SPIDR: variants seen among roughly 807,000 people sequenced by gnomAD.
The protein encoded by SPIDR is DNA repair-scaffolding protein.
In SPIDR, 93 loss-of-function variants were observed where a neutral mutation model predicts 104.6. The observed-to-expected ratio is 0.89, with a 90% CI of 0.75 to 1.06. The LOEUF (loss-of-function observed/expected upper bound fraction) is 1.06. SPIDR is among the 50% of genes least tolerant of loss of function. SPIDR has a pLI of 0.00. For synonymous variants in SPIDR, 431 were observed against 416.9 expected, an observed-to-expected ratio of 1.03 and a Z score of -0.41; for missense variants, 1,154 against 1,111.2, an observed-to-expected ratio of 1.04 and a Z score of -0.55.
At chr8:47,300,895 G>T (rs1162784120) in intron 5 of SPIDR, among the ~76,000 whole-genome samples, 3 of 152,174 alleles carry the variant, frequency 2.0e-5, no homozygotes, top group African/African-American at 7.2e-5. Context: ...AATAGGTGTG[G>T]TGTGGTACTG....
At chr8:47,622,630 C>T (rs1258287979) in intron 10 of SPIDR, among the ~76,000 whole-genome samples, 1 of 152,102 alleles carries the variant, frequency 6.6e-6, no homozygotes, top group Non-Finnish European at 1.5e-5. Flanking sequence ...CGAGAGTTAG[C>T]ATCTGTACTA....
At chr8:47,621,101 T>C (rs1375277404) in intron 10 of SPIDR, among the ~76,000 whole-genome samples, 1 of 149,426 alleles carries the variant, frequency 6.7e-6, no homozygotes, top group Non-Finnish European at 1.5e-5. Flanking sequence ...GGACTACAGG[T>C]GCACACCACC....
At chr8:47,632,225 C>T (rs1321602541) in intron 10 of SPIDR, among the ~76,000 whole-genome samples, 2 of 152,022 alleles carry the variant, frequency 1.3e-5, no homozygotes, top group South Asian at 2.1e-4. Context: ...AGTGAAATAC[C>T]GAGTTGAACT....
In SPIDR at chr8:47,292,363, G is replaced by T. The variant is rs1030182922; in HGVS notation, c.361+1226G>T. On this transcript the variant is annotated intron_variant, in intron 4 of 19. Transcript: ENST00000297423. ...CTTTTAGTAGTTACCAGGTGAAGTG[G>T]TATTTTAAGATTGTATATAAGCTGA... Among the ~76,000 whole-genome samples the T allele has an allele frequency of 4.9e-4, 75 of 152,110 alleles. No homozygotes were observed. The Middle Eastern group carries it at 0.01, about 21-fold the overall frequency.
chr8:47,514,038 G>A (rs1459728143), intron 8 of SPIDR, among the ~76,000 whole-genome samples: 1 of 152,136 alleles, frequency 6.6e-6, no homozygotes, highest in African/African-American at 2.4e-5. Flanking sequence ...GGAGAGTGCT[G>A]CAGAAAAAGG....
intron 5 of SPIDR, among the ~76,000 whole-genome samples, chr8:47,382,415 G>A (rs918404798): frequency 5.3e-5 from 8 of 152,096 alleles, no homozygotes; most frequent in Non-Finnish European, 8.8e-5. Context: ...TAAATTTAAA[G>A]TTTTTTCTCT....
intron 7 of SPIDR, among the ~76,000 whole-genome samples, chr8:47,432,827 T>A (rs1433053962): frequency 6.6e-6 from 1 of 152,180 alleles, no homozygotes; most frequent in Non-Finnish European, 1.5e-5. Flanking sequence ...GTAGTTTGGA[T>A]TTAATCCAGT....
At chr8:47,535,160 G>A (rs1422556843) in intron 8 of SPIDR, among the ~76,000 whole-genome samples, 1 of 152,094 alleles carries the variant, frequency 6.6e-6, no homozygotes, top group African/African-American at 2.4e-5. Context: ...TTTCCAAGCA[G>A]AAAGCACTGC....
At chr8:47,531,587 G>A (rs982396643) in intron 8 of SPIDR, among the ~76,000 whole-genome samples, 1 of 152,166 alleles carries the variant, frequency 6.6e-6, no homozygotes, top group African/African-American at 2.4e-5. Flanking sequence ...GGAGCCTGTT[G>A]AGGTCTGTAA....
chr8:47,334,392 C>T (rs553235192), intron 5 of SPIDR, among the ~76,000 whole-genome samples: 2 of 152,254 alleles, frequency 1.3e-5, no homozygotes, highest in South Asian at 4.1e-4. Flanking sequence ...TGATAGTGGA[C>T]TAATTTATTT....
At chr8:47,342,837 G>A (rs1554614949) in intron 5 of SPIDR, among the ~76,000 whole-genome samples, 1 of 152,014 alleles carries the variant, frequency 6.6e-6, no homozygotes, top group African/African-American at 2.4e-5. Flanking sequence ...TTCCCAACAT[G>A]TTCTTAAAAC....
At chr8:47,425,367 C>G (rs1397176004) in intron 7 of SPIDR, among the ~76,000 whole-genome samples, 2 of 152,004 alleles carry the variant, frequency 1.3e-5, no homozygotes, top group African/African-American at 4.8e-5. Context: ...ACCCTTAGAC[C>G]TTCTCTTTTA....
At chr8:47,511,756 C>G in intron 8 of SPIDR, 1 of 1,302,354 alleles carries the variant, frequency 7.7e-7, no homozygotes, top group Non-Finnish European at 1.1e-6. Flanking sequence ...AGCTACAGCT[C>G]CATGCTCTTT....
intron 7 of SPIDR, among the ~76,000 whole-genome samples, chr8:47,437,088 A>G (rs1448048039): frequency 6.6e-6 from 1 of 152,204 alleles, no homozygotes; most frequent in Admixed American, 6.5e-5. Context: ...GTCAAGATTT[A>G]TCATAGAAAT....
At chr8:47,323,844 C>T (rs983299632) in intron 5 of SPIDR, among the ~76,000 whole-genome samples, 4 of 152,134 alleles carry the variant, frequency 2.6e-5, no homozygotes, top group Non-Finnish European at 5.9e-5. Flanking sequence ...CCCATGGACA[C>T]CTTTATTTAC....
intron 10 of SPIDR, among the ~76,000 whole-genome samples, chr8:47,646,922 A>G (rs1483367839): frequency 6.6e-6 from 1 of 152,218 alleles, no homozygotes; most frequent in Non-Finnish European, 1.5e-5. Flanking sequence ...TATATACAGC[A>G]ATAATGTTAT....
chr8:47,615,250 TGTCTATTTTTTC>T (rs1270183290), intron 10 of SPIDR, among the ~76,000 whole-genome samples: 1 of 151,958 alleles, frequency 6.6e-6, no homozygotes, highest in Non-Finnish European at 1.5e-5. Flanking sequence ...ACACTCAAAT[TGTCTATTTTTTC>T]TTTTGTTGCT....
intron 10 of SPIDR, among the ~76,000 whole-genome samples, chr8:47,609,206 T>A (rs1392346556): frequency 6.6e-6 from 1 of 152,260 alleles, no homozygotes; most frequent in African/African-American, 2.4e-5. Flanking sequence ...TTCACTTTTT[T>A]GATAGTGTCC....
At chr8:47,597,741 G>C (rs1346346768) in intron 9 of SPIDR, among the ~76,000 whole-genome samples, 2 of 151,764 alleles carry the variant, frequency 1.3e-5, no homozygotes, top group Non-Finnish European at 2.9e-5. Flanking sequence ...GTTGTTTTTT[G>C]GAATTTTACT....
Sources: gnomAD v4.1 joint callset for allele counts (sites outside exome capture counted in the v4.1 genomes callset) on GRCh38, gnomAD v4.1.1 for gene constraint, MANE v1.5 for transcripts, NCBI Gene and HGNC (gene_info 2026-07-23, HGNC 2026-07-21) for gene names.